ZCCHC4: variants seen among roughly 807,000 people sequenced by gnomAD.
ZCCHC4 encodes the protein rRNA N(6)-adenosine-methyltransferase ZCCHC4.
A neutral mutation model predicts 67.7 loss-of-function variants in ZCCHC4; 54 were observed. The ratio of observed to expected loss-of-function variants is 0.80; its 90% CI spans 0.64 to 1.00. The LOEUF is 1.00. Ranked by LOEUF, ZCCHC4 falls within the 50% of genes least tolerant of loss-of-function variation. The pLI, the probability that ZCCHC4 is intolerant of heterozygous loss-of-function variation, is 0.00. For synonymous variants in ZCCHC4, 198 were observed against 213.5 expected (o/e 0.93, Z 0.63); for missense variants, 609 against 617.0 (o/e 0.99, Z 0.14).
chr4:25,365,056 T>G lies in ZCCHC4; in HGVS notation c.1296T>G (p.Ala432=). ...WIHCSICNHC[A]VPDHSCEGPK... is the part of the protein sequence containing the mutation. ...ACTGTAGCATCTGCAATCACTGTGC[T>G]GTTCCAGATCATTCTTGTGAGGGCC... Residue 432 remains alanine, a synonymous_variant, in exon 12 of 13, where the codon GCT becomes GCG. Coordinates refer to ENST00000302874, the MANE Select transcript of ZCCHC4 (RefSeq NM_024936.3). The G allele has an allele frequency of 1.2e-6, 2 of 1,614,242 alleles. No individual in the cohort carries two copies. Among genetic ancestry groups the G allele is most frequent in the Non-Finnish European group, 1.7e-6 (2 of 1,180,028 alleles).
chr4:25,351,563 A>AT, intron 7 of ZCCHC4, 26 bp from the exon 8 acceptor site: 1 of 1,493,628 alleles, frequency 6.7e-7, no homozygotes, highest in South Asian at 1.2e-5. Flanking sequence ...ATTTACTATT[A>AT]TTTTTTCCTT....
chr4:25,367,690 C>G (rs1721006366), intron 12 of ZCCHC4, among the ~76,000 whole-genome samples: 1 of 152,142 alleles, frequency 6.6e-6, no homozygotes, highest in Non-Finnish European at 1.5e-5. Flanking sequence ...CTTCTGTAGA[C>G]TGTTCTATTT....
intron 3 of ZCCHC4, 54 bp from the exon 4 acceptor site, chr4:25,333,129 G>A: frequency 6.4e-7 from 1 of 1,557,850 alleles, no homozygotes; most frequent in East Asian, 2.3e-5. Context: ...AACACATTGT[G>A]TTTACAACAA....
intron 8 of ZCCHC4, among the ~76,000 whole-genome samples, chr4:25,354,373 A>G (rs1720430958): frequency 6.6e-6 from 1 of 152,220 alleles, no homozygotes; most frequent in Non-Finnish European, 1.5e-5. Flanking sequence ...TGTGTCTGAC[A>G]GGCTAAAAAG....
intron 8 of ZCCHC4, among the ~76,000 whole-genome samples, chr4:25,360,743 C>T (rs1368791808): frequency 1.3e-5 from 2 of 152,174 alleles, no homozygotes; most frequent in African/African-American, 4.8e-5. Context: ...GTGCCTGAAG[C>T]AACCCTACAC....
At position 25,345,591 on chromosome 4, in the gene ZCCHC4, A is replaced by G. The variant is rs770614286; in HGVS notation, c.730A>G (p.Met244Val). The G allele has an allele frequency of 2.5e-5, 39 of 1,568,082 alleles. No homozygotes were observed. Among genetic ancestry groups the G allele is most frequent in the South Asian group, 2.3e-5 (2 of 88,764 alleles). ...GGAAGATAGCTTTTGCCATTATAAT[A>G]TGTTTAACCATCATTTCTTTGATGG... ...YMEDSFCHYN[M>V]FNHHFFDGKT... Residue 244 changes from methionine to valine, a missense_variant, in exon 6 of 13, where the codon ATG (methionine) becomes GTG (valine). By Grantham distance (21) the Met-to-Val change is conservative. Coordinates refer to ENST00000302874, the MANE Select transcript of ZCCHC4 (RefSeq NM_024936.3).
At chr4:25,362,401 TTG>T in intron 10 of ZCCHC4, 100 bp downstream of exon 10, 1 of 718,352 alleles carries the variant, frequency 1.4e-6, no homozygotes, top group Non-Finnish European at 2.1e-6. Context: ...TTAATAGGAT[TTG>T]TATTAATATG....
rs144001254 is a variant in ZCCHC4, at chr4:25,322,909, CTA to C, written c.329+7511_329+7512del. Among the ~76,000 whole-genome samples the C allele has an allele frequency of 2.6e-3, 396 of 152,316 alleles. 1 individual carries two copies. Among genetic ancestry groups the C allele is most frequent in the African/African-American group, 9.3e-3 (387 of 41,544 alleles). On this transcript the variant is annotated intron_variant, in intron 3 of 12. Transcript: ENST00000302874. The stretch of plus-strand genomic sequence containing the variant: ...TATATGGTAGTAGAATCAAGTTGTT[CTA>C]TGACAGTGCATTTGCAAAGAATAAT...
At chr4:25,351,728 T>C in intron 8 of ZCCHC4, 39 bp downstream of exon 8, 2 of 1,500,056 alleles carry the variant, frequency 1.3e-6, no homozygotes, top group Middle Eastern at 3.4e-4. Flanking sequence ...GGTTGGGGAA[T>C]GGAGATTCTA....
intron 8 of ZCCHC4, among the ~76,000 whole-genome samples, chr4:25,353,279 A>C (rs1305119557): frequency 6.6e-6 from 1 of 152,220 alleles, no homozygotes; most frequent in African/African-American, 2.4e-5. Flanking sequence ...TTACTTTATC[A>C]AATATAATGG....
chr4:25,352,894 G>A (rs887393067), intron 8 of ZCCHC4, among the ~76,000 whole-genome samples: 2 of 152,204 alleles, frequency 1.3e-5, no homozygotes, highest in African/African-American at 4.8e-5. Flanking sequence ...AATTCTGAAA[G>A]AAACAGTGTT....
chr4:25,333,728 G>T (rs370724873), intron 4 of ZCCHC4, among the ~76,000 whole-genome samples, 180 bp from the exon 5 acceptor site: 1 of 152,182 alleles, frequency 6.6e-6, no homozygotes, highest in Non-Finnish European at 1.5e-5. Context: ...TTTCAGATAA[G>T]TTCTGCTCTT....
At chr4:25,341,334 T>C (rs988942021) in intron 5 of ZCCHC4, among the ~76,000 whole-genome samples, 1 of 152,178 alleles carries the variant, frequency 6.6e-6, no homozygotes, top group Non-Finnish European at 1.5e-5. Flanking sequence ...GTTTGAATCA[T>C]GGGGTTGATT....
intron 6 of ZCCHC4, among the ~76,000 whole-genome samples, chr4:25,347,542 G>A (rs1200979918): frequency 6.6e-6 from 1 of 152,198 alleles, no homozygotes; most frequent in Non-Finnish European, 1.5e-5. Context: ...GAAACCCATT[G>A]TTTTAATGAT....
rs769676174 is a variant in ZCCHC4 at position 25,312,789 on chromosome 4, T to G, written c.-21T>G. On this transcript the variant is annotated 5_prime_UTR_variant, in exon 1 of 13. Transcript: ENST00000302874. Reference sequence around the variant, plus strand: ...CAGCATTCTTGTTTCGTACTGAGGCTTTCGGGACGGCGGCGGGAAGATGGC... The same window carrying G: ...CAGCATTCTTGTTTCGTACTGAGGCGTTCGGGACGGCGGCGGGAAGATGGC... 1 of 1,612,826 alleles carries G rather than the reference T, an allele frequency of 6.2e-7. No individual in the cohort carries two copies. The highest frequency in any genetic ancestry group is 8.5e-7 in the Non-Finnish European group (1 of 1,179,878).
chr4:25,314,845 A>T (rs1313958538), intron 2 of ZCCHC4, among the ~76,000 whole-genome samples: 3 of 152,126 alleles, frequency 2.0e-5, no homozygotes, highest in Admixed American at 6.5e-5. Context: ...GTGTTAAAAA[A>T]CACTTTTTTT....
intron 8 of ZCCHC4, among the ~76,000 whole-genome samples, chr4:25,361,442 G>C (rs996639440): frequency 6.6e-6 from 1 of 152,222 alleles, no homozygotes; most frequent in Non-Finnish European, 1.5e-5. Flanking sequence ...GAGCGCAGTC[G>C]TACAACTCCA....
chr4:25,340,232 C>T (rs113941770), intron 5 of ZCCHC4, among the ~76,000 whole-genome samples: 74 of 152,118 alleles, frequency 4.9e-4, no homozygotes, highest in Admixed American at 6.5e-4. Context: ...ACTAGTTGCT[C>T]TAGCACCGTT....
intron 5 of ZCCHC4, among the ~76,000 whole-genome samples, chr4:25,338,485 C>CT (rs1356622406): frequency 6.6e-6 from 1 of 152,198 alleles, no homozygotes; most frequent in African/African-American, 2.4e-5. Flanking sequence ...TCACCGCTAT[C>CT]TAATTCCACA....
Sources: allele counts gnomAD v4.1 joint callset (sites outside exome capture counted in the v4.1 genomes callset), GRCh38; gene constraint gnomAD v4.1.1; transcripts MANE v1.5; gene names NCBI Gene and HGNC (gene_info 2026-07-23, HGNC 2026-07-21).